Variants in PKHD1 observed in about 807,000 individuals in gnomAD.
PKHD1 encodes fibrocystin.
Under a neutral mutation model 412.0 loss-of-function variants are expected in PKHD1, and 291 were observed. That is an observed-to-expected ratio of 0.71 (90% CI 0.64 to 0.78). PKHD1 has a LOEUF of 0.78. Among genes scored for constraint, PKHD1 ranks in the 30% least tolerant of loss-of-function variants. The probability of loss-of-function intolerance (pLI) is 0.00; values close to 1 mark genes in which losing one functional copy is unlikely to be tolerated. For missense variants in PKHD1, 4,825 were observed against 4,950.7 expected, an observed-to-expected ratio of 0.97 and a Z score of 0.76; for synonymous variants, 1,777 against 1,821.5, an observed-to-expected ratio of 0.98 and a Z score of 0.62.
chr6:51,711,271 C>T (rs144799839), intron 60 of PKHD1, among the ~76,000 whole-genome samples: 222 of 152,258 alleles, frequency 1.5e-3, no homozygotes, highest in African/African-American at 5.2e-3. Context: ...GAGTTGCCTT[C>T]CCTCCTTCTT....
intron 37 of PKHD1, among the ~76,000 whole-genome samples, chr6:51,922,910 C>T (rs2127719338): frequency 6.6e-6 from 1 of 152,292 alleles, no homozygotes; most frequent in Middle Eastern, 3.4e-3. Context: ...TGAGGCAATG[C>T]CCCACCCTGC....
intron 60 of PKHD1, among the ~76,000 whole-genome samples, chr6:51,712,161 T>C (rs1181231116): frequency 6.6e-6 from 1 of 152,214 alleles, no homozygotes; most frequent in Admixed American, 6.5e-5. Flanking sequence ...TTGCAACATC[T>C]GCTGTCGTTA....
At chr6:52,000,123 C>T (rs1429275779) in intron 35 of PKHD1, among the ~76,000 whole-genome samples, 2 of 152,220 alleles carry the variant, frequency 1.3e-5, no homozygotes, top group African/African-American at 2.4e-5. Context: ...AACATATTGA[C>T]ATATCACAGT....
intron 57 of PKHD1, among the ~76,000 whole-genome samples, chr6:51,749,150 C>T (rs570829910): frequency 2.0e-5 from 3 of 152,230 alleles, no homozygotes; most frequent in Admixed American, 6.5e-5. Flanking sequence ...AGTATGAGTG[C>T]GAAATTTCCT....
At chr6:51,677,878 A>G (rs779568117) in intron 60 of PKHD1, among the ~76,000 whole-genome samples, 11 of 152,174 alleles carry the variant, frequency 7.2e-5, no homozygotes, top group Non-Finnish European at 1.5e-4. Flanking sequence ...TCAAAAAAAA[A>G]TCCTTACTTT....
intron 52 of PKHD1, among the ~76,000 whole-genome samples, chr6:51,804,304 G>A (rs1763376912): frequency 8.1e-6 from 1 of 124,010 alleles, no homozygotes; most frequent in Non-Finnish European, 1.6e-5. Context: ...TGTGTCCCAA[G>A]TCCCTCTAGG....
At position 51,830,817 on chromosome 6, in the gene PKHD1, G is replaced by C. The variant is rs565084475; in HGVS notation, c.8302+44C>G. 1.8e-5 allele frequency: 28 copies of C among 1,578,646 alleles called. No homozygotes were observed. The South Asian group carries it at 2.8e-4, about 16-fold the overall frequency. On this transcript the variant is annotated intron_variant, in intron 52 of 66. Coordinates refer to ENST00000371117, the MANE Select transcript of PKHD1 (RefSeq NM_138694.4). ...AATGAAACATAATCAGATCTGGCTG[G>C]GTTCAGCCTGTCTGTGATTCATCTC...
At chr6:51,788,894 T>C (rs1442364662) in intron 53 of PKHD1, among the ~76,000 whole-genome samples, 2 of 152,186 alleles carry the variant, frequency 1.3e-5, no homozygotes, top group African/African-American at 4.8e-5. Flanking sequence ...GTTCTACTCT[T>C]ATCCCACATA....
intron 46 of PKHD1, among the ~76,000 whole-genome samples, chr6:51,877,792 C>G (rs1292627765): frequency 1.0e-4 from 1 of 9,692 alleles, no homozygotes. Context: ...AATAGAGACA[C>G]AAAAAACCCT....
chr6:51,851,586 G>A (rs994387865), intron 49 of PKHD1, among the ~76,000 whole-genome samples: 1 of 152,004 alleles, frequency 6.6e-6, no homozygotes, highest in African/African-American at 2.4e-5. Flanking sequence ...CAATTTCAAG[G>A]CTTGTTATTG....
At chr6:51,925,923 A>AT (rs1238960790) in intron 37 of PKHD1, among the ~76,000 whole-genome samples, 1 of 151,356 alleles carries the variant, frequency 6.6e-6, no homozygotes, top group Non-Finnish European at 1.5e-5. Context: ...TCAAGCAAAT[A>AT]TTTTTTAAAG....
intron 27 of PKHD1, among the ~76,000 whole-genome samples, chr6:52,040,927 C>T (rs1198271311): frequency 6.6e-6 from 1 of 152,090 alleles, no homozygotes; most frequent in Non-Finnish European, 1.5e-5. Context: ...TTAATAATGC[C>T]TGGTAATAAA....
At chr6:51,747,719 AAT>A in intron 58 of PKHD1, 66 bp downstream of exon 58, 1 of 1,374,352 alleles carries the variant, frequency 7.3e-7, no homozygotes, top group Non-Finnish European at 1.0e-6. Flanking sequence ...AAAATTTCAG[AAT>A]GCCATTAAAA....
chr6:51,775,660 C>G, intron 54 of PKHD1, 148 bp downstream of exon 54: 1 of 583,016 alleles, frequency 1.7e-6, no homozygotes, highest in South Asian at 2.1e-5. Context: ...CACAAGAGAG[C>G]TGGTAAGTGA....
chr6:52,064,266 C>T (rs2128220985), intron 13 of PKHD1, among the ~76,000 whole-genome samples: 1 of 152,314 alleles, frequency 6.6e-6, no homozygotes, highest in South Asian at 2.1e-4. Flanking sequence ...GAGTAACATA[C>T]CAACTGCCCT....
At chr6:51,737,144 C>T (rs1395401959) in intron 60 of PKHD1, among the ~76,000 whole-genome samples, 3 of 152,068 alleles carry the variant, frequency 2.0e-5, no homozygotes, top group African/African-American at 7.2e-5. Flanking sequence ...GAAAAATGTT[C>T]CCTACTGTCT....
rs2127624877 is a variant in PKHD1 at position 51,903,979 on chromosome 6, T to C, written c.6865+7A>G. ...GTAATAGATTTAAAATCAATTTACA[T>C]ATTTACCATCTTTCCTTCCATGAAT... On this transcript the variant is annotated splice_region_variant and intron_variant, in intron 42 of 66. Transcript: ENST00000371117. The C allele has an allele frequency of 2.0e-6, 3 of 1,537,230 alleles. No individual in the cohort carries two copies. Among genetic ancestry groups the C allele is most frequent in the South Asian group, 1.1e-5 (1 of 89,604 alleles).
chr6:51,781,173 C>A (rs564340042), intron 53 of PKHD1, among the ~76,000 whole-genome samples: 10 of 152,086 alleles, frequency 6.6e-5, no homozygotes, highest in Non-Finnish European at 1.0e-4. Flanking sequence ...TAGCACTCAA[C>A]CAAGTAAATT....
chr6:51,903,279 G>A (rs1216625501), intron 43 of PKHD1, among the ~76,000 whole-genome samples: 1 of 152,054 alleles, frequency 6.6e-6, no homozygotes, highest in Non-Finnish European at 1.5e-5. Context: ...CACCACTAAC[G>A]CTGCCACCTT....
Sources: gnomAD v4.1 joint callset for allele counts (sites outside exome capture counted in the v4.1 genomes callset) on GRCh38, gnomAD v4.1.1 for gene constraint, MANE v1.5 for transcripts, NCBI Gene and HGNC (gene_info 2026-07-23, HGNC 2026-07-21) for gene names.